THAP6: variants seen among roughly 807,000 people sequenced by gnomAD.
THAP6 encodes THAP domain containing 6.
Under a neutral mutation model 20.0 loss-of-function variants are expected in THAP6, and 13 were observed. The observed-to-expected ratio is 0.65, with a 90% CI of 0.42 to 1.03. The LOEUF is 1.03. Ranked by LOEUF, THAP6 falls within the 50% of genes least tolerant of loss-of-function variation. The probability of loss-of-function intolerance (pLI) is 0.00; values close to 1 mark genes in which losing one functional copy is unlikely to be tolerated. For synonymous variants in THAP6, 93 were observed against 92.2 expected (o/e 1.01, Z -0.05); for missense variants, 262 against 261.6 (o/e 1.00, Z -0.01).
At chr4:75,519,845 G>T (rs1307372605) in intron 3 of THAP6, among the ~76,000 whole-genome samples, 2 of 151,766 alleles carry the variant, frequency 1.3e-5, no homozygotes, top group Non-Finnish European at 2.9e-5. Flanking sequence ...TATATACCCA[G>T]TAATGGGATG....
Position 75,528,128 on chromosome 4 carries a change from C to T in THAP6, c.*914C>T. ...TAGAAATTAATAACTGTGGCTCTTC[C>T]AGTTGAAATAGGAATTGGAGAGAAA... is the stretch of plus-strand genomic sequence containing the variant. On this transcript the variant is annotated 3_prime_UTR_variant, in exon 5 of 5. Coordinates refer to ENST00000311638, the MANE Select transcript of THAP6 (RefSeq NM_144721.6). The T allele has an allele frequency of 1.0e-6, 1 of 984,894 alleles. No individual in the cohort carries two copies. The highest frequency in any genetic ancestry group is 1.2e-6 in the Non-Finnish European group (1 of 829,574). The allele number at this position is 984,894 out of a possible 1,614,324, so 61.0% of individuals were successfully genotyped here.
In THAP6 at chr4:75,527,177, G is replaced by C. The variant is rs777327335; in HGVS notation, c.632G>C (p.Cys211Ser). Residue 211 changes from cysteine to serine, a missense_variant, in exon 5 of 5, where the codon TGT (cysteine) becomes TCT (serine). Cys to Ser is a moderately radical substitution (Grantham distance 112, BLOSUM62 -1). Coordinates refer to ENST00000311638, the MANE Select transcript of THAP6 (RefSeq NM_144721.6). ...AGACTGGACACTTTCTGTTGGGACTGTTGTCAGGAGAGCATAGAACAGGAC... is the reference window on the plus strand; with the variant it reads ...AGACTGGACACTTTCTGTTGGGACTCTTGTCAGGAGAGCATAGAACAGGAC... ...ANRLDTFCWD[C>S]CQESIEQDYI... 1.2e-6 allele frequency: 2 copies of C among 1,613,940 alleles called. No individual in the cohort carries two copies. Among genetic ancestry groups the C allele is most frequent in the African/African-American group, 2.7e-5 (2 of 74,928 alleles).
chr4:75,520,417 C>A (rs897894468), intron 3 of THAP6, among the ~76,000 whole-genome samples: 4 of 152,242 alleles, frequency 2.6e-5, no homozygotes, highest in Admixed American at 2.6e-4. Flanking sequence ...AGTACTTTTG[C>A]AAATTTATAG....
intron 2 of THAP6, among the ~76,000 whole-genome samples, chr4:75,536,394 G>T (rs1726853878): frequency 6.6e-6 from 1 of 152,164 alleles, no homozygotes; most frequent in Admixed American, 6.5e-5. Flanking sequence ...AACCTGGGAG[G>T]TGGAGGTTGC....
downstream of THAP6, among the ~76,000 whole-genome samples, chr4:75,531,867 A>G (rs1726691575): frequency 6.6e-6 from 1 of 151,174 alleles, no homozygotes; most frequent in South Asian, 2.1e-4. Context: ...CGCCCTCATG[A>G]TTCAGTCATC....
At chr4:75,523,907 T>A (rs1048507571) in intron 4 of THAP6, among the ~76,000 whole-genome samples, 1 of 152,176 alleles carries the variant, frequency 6.6e-6, no homozygotes. Flanking sequence ...GGTCTTAGAT[T>A]TAATTCTTTA....
rs141771853 is a variant in THAP6, at chr4:75,527,023, G to A, written c.478G>A (p.Gly160Ser). Residue 160 changes from glycine (G) to serine (S), a missense_variant, in exon 5 of 5, where the codon GGC becomes AGC. Coordinates refer to ENST00000311638, the MANE Select transcript of THAP6 (RefSeq NM_144721.6). ...KLKHKLDHVI[G>S]ELEDTKESLR... The stretch of plus-strand genomic sequence containing the variant: ...TAAGCATAAATTAGATCATGTGATC[G>A]GCGAGCTAGAGGATACAAAGGAAAG... 8,014 of 1,614,018 alleles carry A rather than the reference G, an allele frequency of 5.0e-3. 22 individuals carry two copies. The highest frequency in any genetic ancestry group is 6.3e-3 in the Non-Finnish European group (7,377 of 1,179,952).
upstream of THAP6, chr4:75,514,116 T>C: frequency 6.5e-7 from 1 of 1,545,772 alleles, no homozygotes; most frequent in Non-Finnish European, 8.8e-7. Flanking sequence ...CAAACTTAAA[T>C]CCAAGCCTAA....
At position 75,528,095 on chromosome 4, in the gene THAP6, G is replaced by T. The variant is rs1315716027; in HGVS notation, c.*881G>T. 2 of 984,588 alleles carry T rather than the reference G, an allele frequency of 2.0e-6. No homozygotes were observed. The highest frequency in any genetic ancestry group is 1.2e-4 in the Admixed American group (2 of 16,274). 61.0% of individuals were successfully genotyped at this position (984,588 alleles called of 1,614,324 possible). A position where few individuals can be genotyped will look rare whatever the true frequency, so the allele number is the denominator to read the frequency against. On this transcript the variant is annotated 3_prime_UTR_variant, in exon 5 of 5. Transcript: ENST00000311638. ...TTTTAAAAAAATACAAAATACAAAA[G>T]AAACCATTAGAAATTAATAACTGTG...
In THAP6 at chr4:75,529,732, A is replaced by G. The variant is rs1726603704; in HGVS notation, c.*2518A>G. 1 of 985,466 alleles carries G rather than the reference A, an allele frequency of 1.0e-6. No individual in the cohort carries two copies. The highest frequency in any genetic ancestry group is 1.2e-6 in the Non-Finnish European group (1 of 829,956). The allele number at this position is 985,466 out of a possible 1,614,324, so 61.0% of individuals were successfully genotyped here. ...AGGGTTCCACTTTGCTTTAAAAGCT[A>G]GGAGTGGCCTCTAGAGCCAGGAACA... On this transcript the variant is annotated 3_prime_UTR_variant, in exon 5 of 5. Coordinates refer to ENST00000311638, the MANE Select transcript of THAP6 (RefSeq NM_144721.6).
rs368982656 is a variant in THAP6 at position 75,519,952 on chromosome 4, C to A, written c.289-1784C>A. ...TAGTTTACAGTCCCACCAACAGTGT[C>A]AAAGTGTTCCTATTTCTCCACATCC... On this transcript the variant is annotated intron_variant, in intron 3 of 4. Coordinates refer to ENST00000311638, the MANE Select transcript of THAP6 (RefSeq NM_144721.6). Among the ~76,000 whole-genome samples, 246 of 151,766 alleles carry A rather than the reference C, an allele frequency of 1.6e-3. 1 individual carries two copies. Among genetic ancestry groups the A allele is most frequent in the Non-Finnish European group, 2.9e-3 (200 of 67,872 alleles).
rs780829027 is a variant in THAP6, at chr4:75,529,255, C to G, written c.*2041C>G. 18 of 985,108 alleles carry G rather than the reference C, an allele frequency of 1.8e-5. No individual in the cohort carries two copies. The highest frequency in any genetic ancestry group is 2.2e-5 in the Non-Finnish European group (18 of 829,762). 61.0% of individuals were successfully genotyped at this position (985,108 alleles called of 1,614,324 possible). On this transcript the variant is annotated 3_prime_UTR_variant, in exon 5 of 5. Transcript: ENST00000311638. Reference sequence around the variant, plus strand: ...CAATGGAGTAAGTAAGAGGGTAGATCCAAACACAGTATGTCTAAATTCTAG... The same window carrying G: ...CAATGGAGTAAGTAAGAGGGTAGATGCAAACACAGTATGTCTAAATTCTAG...
At chr4:75,515,172 T>C (rs143240094) in intron 1 of THAP6, among the ~76,000 whole-genome samples, 51 of 152,168 alleles carry the variant, frequency 3.4e-4, no homozygotes, top group African/African-American at 9.9e-4. Context: ...ACAAAGAACA[T>C]GGTACCTGTT....
In THAP6 at chr4:75,519,656, A is replaced by G. The variant is rs1725888586; in HGVS notation, c.289-2080A>G. Among the ~76,000 whole-genome samples the G allele has an allele frequency of 2.6e-5, 4 of 152,004 alleles. No individual in the cohort carries two copies. In the South Asian group the frequency reaches 8.3e-4, roughly 32 times the overall value. ...ATCCATGTCCCTACAAAGGACATGA[A>G]CTCATCGTTTTTTATGGCTGCATAG... On this transcript the variant is annotated intron_variant, in intron 3 of 4. Coordinates refer to ENST00000311638, the MANE Select transcript of THAP6 (RefSeq NM_144721.6).
downstream of THAP6, among the ~76,000 whole-genome samples, chr4:75,530,259 T>A (rs1452564719): frequency 6.6e-6 from 1 of 152,196 alleles, no homozygotes; most frequent in African/African-American, 2.4e-5. Flanking sequence ...TGTCACCCAG[T>A]ATATAAAGGA....
At chr4:75,533,130 C>T (rs1726738372), downstream of THAP6, among the ~76,000 whole-genome samples, 1 of 152,204 alleles carries the variant, frequency 6.6e-6, no homozygotes, top group South Asian at 2.1e-4. Flanking sequence ...AAACTGAATG[C>T]CTTTAACAGT....
intron 2 of THAP6, chr4:75,539,739 A>T: frequency 5.0e-6 from 7 of 1,408,388 alleles, no homozygotes; most frequent in Non-Finnish European, 6.6e-6. Flanking sequence ...TACAAAGTAG[A>T]CAATAGCACC....
At chr4:75,523,702 T>A (rs527762420) in intron 4 of THAP6, among the ~76,000 whole-genome samples, 1 of 149,878 alleles carries the variant, frequency 6.7e-6, no homozygotes, top group South Asian at 2.1e-4. Context: ...CTCAGGAGGC[T>A]GAGTGGGAGG....
downstream of THAP6, among the ~76,000 whole-genome samples, chr4:75,534,249 A>T (rs1726786540): frequency 1.3e-5 from 2 of 152,184 alleles, no homozygotes; most frequent in Non-Finnish European, 2.9e-5. Flanking sequence ...GCCCTCAGAA[A>T]TAATACCACA....
Sources: allele counts gnomAD v4.1 joint callset (sites outside exome capture counted in the v4.1 genomes callset), GRCh38; gene constraint gnomAD v4.1.1; transcripts MANE v1.5; gene names NCBI Gene and HGNC (gene_info 2026-07-23, HGNC 2026-07-21).